DIAPH2: variants seen among roughly 807,000 people sequenced by gnomAD.
The protein encoded by DIAPH2 is diaphanous related formin 2, also known as protein diaphanous homolog 2.
A neutral mutation model predicts 92.7 loss-of-function variants in DIAPH2; 35 were observed. The observed-to-expected ratio is 0.38, with a 90% CI of 0.29 to 0.50. The LOEUF is 0.50. Ranked by LOEUF, DIAPH2 falls within the 20% of genes least tolerant of loss-of-function variation. DIAPH2 has a pLI of 0.94. For missense variants in DIAPH2, 701 were observed against 819.5 expected (o/e 0.86, Z 1.77); for synonymous variants, 301 against 280.4 (o/e 1.07, Z -0.73).
chrX:97,040,381 A>G (rs1369419070), intron 17 of DIAPH2, among the ~76,000 whole-genome samples: 1 of 110,913 alleles, frequency 9.0e-6, no homozygotes, highest in Non-Finnish European at 1.9e-5. Flanking sequence ...TGTAGCTAAC[A>G]TCATCAGATA....
chrX:97,512,243 T>G (rs1371941139), intron 26 of DIAPH2, among the ~76,000 whole-genome samples: 1 of 113,515 alleles, frequency 8.8e-6, no homozygotes, highest in Non-Finnish European at 1.9e-5. Flanking sequence ...CTTGGGAGGG[T>G]GTATATGTCA....
At chrX:97,406,473 A>G (rs1485915261) in intron 25 of DIAPH2, among the ~76,000 whole-genome samples, 1 of 112,073 alleles carries the variant, frequency 8.9e-6, no homozygotes, top group Non-Finnish European at 1.9e-5. Flanking sequence ...AAACAAATAT[A>G]ATGACATTTT....
intron 1 of DIAPH2, 51 bp downstream of exon 1, chrX:96,685,241 G>A (rs746168177): frequency 8.2e-6 from 8 of 974,206 alleles, no homozygotes; most frequent in Non-Finnish European, 9.1e-6. Flanking sequence ...AGAGCCCCGG[G>A]ATCCTCCTGC....
At chrX:97,238,421 C>T (rs1419372563) in intron 22 of DIAPH2, among the ~76,000 whole-genome samples, 1 of 111,667 alleles carries the variant, frequency 9.0e-6, no homozygotes, top group African/African-American at 3.2e-5. Context: ...ATTATGAATC[C>T]AGTTGAGAAA....
intron 23 of DIAPH2, among the ~76,000 whole-genome samples, chrX:97,314,138 G>T (rs1428465988): frequency 1.8e-5 from 2 of 108,590 alleles, no homozygotes; most frequent in Non-Finnish European, 3.8e-5. Flanking sequence ...GCTGGGCATG[G>T]TGGCTCATAC....
At chrX:96,811,012 G>A (rs2064675407) in intron 4 of DIAPH2, among the ~76,000 whole-genome samples, 1 of 111,550 alleles carries the variant, frequency 9.0e-6, no homozygotes, top group African/African-American at 3.3e-5. Context: ...GCTCTTTTTT[G>A]GTTCCATATG....
chrX:97,148,902 G>A (rs2067265257), intron 22 of DIAPH2, among the ~76,000 whole-genome samples: 1 of 111,155 alleles, frequency 9.0e-6, no homozygotes. Context: ...GGGAAATGGT[G>A]AAATTGGAAA....
chrX:97,194,582 C>A (rs1353079929), intron 22 of DIAPH2, among the ~76,000 whole-genome samples: 2 of 111,583 alleles, frequency 1.8e-5, no homozygotes, highest in Non-Finnish European at 3.8e-5. Context: ...CTGCACCCGG[C>A]CCCTAGAAAT....
intron 17 of DIAPH2, among the ~76,000 whole-genome samples, chrX:97,009,610 A>G (rs1334672999): frequency 8.9e-6 from 1 of 112,179 alleles, no homozygotes; most frequent in African/African-American, 3.2e-5. Flanking sequence ...ACTGCTAACT[A>G]CTTAGTCAGT....
chrX:96,866,060 C>T (rs2065102915), intron 4 of DIAPH2, among the ~76,000 whole-genome samples: 1 of 111,992 alleles, frequency 8.9e-6, no homozygotes, highest in African/African-American at 3.2e-5. Flanking sequence ...TTATCCCTCA[C>T]TCCTGTATCA....
intron 4 of DIAPH2, among the ~76,000 whole-genome samples, chrX:96,881,139 G>T (rs2065210317): frequency 9.0e-6 from 1 of 111,159 alleles, no homozygotes; most frequent in Admixed American, 9.6e-5. Context: ...TCTTTCAATA[G>T]ATTTGGGTTA....
intron 22 of DIAPH2, among the ~76,000 whole-genome samples, chrX:97,174,023 T>C (rs1230400155): frequency 9.4e-6 from 1 of 106,785 alleles, no homozygotes; most frequent in Non-Finnish European, 1.9e-5. Flanking sequence ...TATATAATAA[T>C]TTTTATTATA....
chrX:97,431,654 C>G (rs1393298286), intron 26 of DIAPH2: 1 of 112,697 alleles, frequency 8.9e-6, no homozygotes, highest in Non-Finnish European at 1.9e-5. Flanking sequence ...AAAAATATCA[C>G]TCGATTTAGC....
At chrX:97,240,143 A>G (rs2068081662) in intron 22 of DIAPH2, among the ~76,000 whole-genome samples, 1 of 110,914 alleles carries the variant, frequency 9.0e-6, no homozygotes, top group South Asian at 3.8e-4. Flanking sequence ...AATACAGACT[A>G]TTGCATGGGT....
chrX:97,440,932 A>G (rs975602954), intron 26 of DIAPH2, among the ~76,000 whole-genome samples: 1 of 111,512 alleles, frequency 9.0e-6, no homozygotes, highest in Admixed American at 9.6e-5. Flanking sequence ...CTTCACCACT[A>G]CAGGATATAT....
At chrX:97,241,218 AAC>A (rs1419881841) in intron 22 of DIAPH2, among the ~76,000 whole-genome samples, 1 of 112,403 alleles carries the variant, frequency 8.9e-6, no homozygotes, top group Non-Finnish European at 1.9e-5. Context: ...TAATACATAA[AAC>A]TACTTAGAAT....
chrX:97,447,478 A>G (rs1003833988), intron 26 of DIAPH2, among the ~76,000 whole-genome samples: 5 of 111,637 alleles, frequency 4.5e-5, no homozygotes, highest in Non-Finnish European at 7.5e-5. Context: ...CTTCTTTGTC[A>G]ACTTATTTCA....
chrX:96,788,731 A>T (rs1405664541), intron 4 of DIAPH2, among the ~76,000 whole-genome samples: 1 of 112,087 alleles, frequency 8.9e-6, no homozygotes, highest in East Asian at 2.8e-4. Context: ...AAGCCCCTTT[A>T]TACAAAGGAT....
intron 9 of DIAPH2, among the ~76,000 whole-genome samples, chrX:96,925,554 A>T (rs922687755): frequency 9.0e-6 from 1 of 110,863 alleles, no homozygotes; most frequent in Admixed American, 9.6e-5. Flanking sequence ...CCTATGTTCT[A>T]TTCTTCATTA....
Sources: gnomAD v4.1 joint callset for allele counts (sites outside exome capture counted in the v4.1 genomes callset) on GRCh38, gnomAD v4.1.1 for gene constraint, MANE v1.5 for transcripts, NCBI Gene and HGNC (gene_info 2026-07-23, HGNC 2026-07-21) for gene names.